Variants in SCAI observed in about 807,000 individuals in gnomAD.
SCAI encodes suppressor of cancer cell invasion.
Under a neutral mutation model 92.2 loss-of-function variants are expected in SCAI, and 24 were observed. That is an observed-to-expected ratio of 0.26 (90% CI 0.19 to 0.37). The LOEUF (loss-of-function observed/expected upper bound fraction) is 0.37, where lower values mean the gene tolerates loss of function less well. Ranked by LOEUF, SCAI falls within the 10% of genes least tolerant of loss-of-function variation. SCAI has a pLI of 1.00. For missense variants in SCAI, 450 were observed against 736.2 expected, an observed-to-expected ratio of 0.61 and a Z score of 4.50; for synonymous variants, 261 against 258.6, an observed-to-expected ratio of 1.01 and a Z score of -0.09.
intron 2 of SCAI, among the ~76,000 whole-genome samples, chr9:125,096,995 G>A (rs1834570614): frequency 6.6e-6 from 1 of 152,010 alleles, no homozygotes; most frequent in Admixed American, 6.6e-5. Flanking sequence ...TTTTTTTTGA[G>A]AAGTAGGGAA....
At chr9:124,960,198 T>C (rs145967072) in intron 17 of SCAI, among the ~76,000 whole-genome samples, 81 of 152,314 alleles carry the variant, frequency 5.3e-4, no homozygotes, top group African/African-American at 1.8e-3. Flanking sequence ...CAAGCCTTTT[T>C]ATAATAAAAA....
chr9:125,077,908 A>G (rs1834126041), intron 2 of SCAI, among the ~76,000 whole-genome samples: 2 of 151,806 alleles, frequency 1.3e-5, no homozygotes, highest in Non-Finnish European at 1.5e-5. Flanking sequence ...TAGTAGAGAC[A>G]GTGTTTCACC....
intron 2 of SCAI, among the ~76,000 whole-genome samples, chr9:125,121,572 T>C (rs903114959): frequency 1.3e-5 from 2 of 152,070 alleles, no homozygotes; most frequent in Non-Finnish European, 2.9e-5. Context: ...AAATCCAGGC[T>C]GGACATGGTG....
chr9:125,081,284 T>C (rs1453351271), intron 2 of SCAI, among the ~76,000 whole-genome samples: 2 of 152,204 alleles, frequency 1.3e-5, no homozygotes, highest in Non-Finnish European at 2.9e-5. Context: ...TGGGAAAGTT[T>C]GGAACTCCAT....
intron 2 of SCAI, among the ~76,000 whole-genome samples, chr9:125,101,530 T>G (rs933913981): frequency 2.0e-5 from 3 of 152,222 alleles, no homozygotes; most frequent in Admixed American, 1.3e-4. Context: ...AGATGAGACC[T>G]CCAGACATGT....
Position 124,947,721 on chromosome 9 carries a change from G to A in SCAI, c.*5086C>T, listed in dbSNP as rs1831169692. The A allele has an allele frequency of 6.6e-6, 1 of 152,080 alleles. No homozygotes were observed. The highest frequency in any genetic ancestry group is 2.1e-4 in the South Asian group (1 of 4,822). 9.4% of individuals were successfully genotyped at this position (152,080 alleles called of 1,614,324 possible). A position where few individuals can be genotyped will look rare whatever the true frequency, so the allele number is the denominator to read the frequency against. ...ACATATGCCATTACAAATAAAATAA[G>A]AATTTCAAATAAATAAGGTCAACAA... On this transcript the variant is annotated 3_prime_UTR_variant, in exon 18 of 18. Coordinates refer to ENST00000336505, the MANE Select transcript of SCAI (RefSeq NM_001144877.3).
intron 14 of SCAI, among the ~76,000 whole-genome samples, chr9:124,979,097 G>A (rs56215112): frequency 6.6e-6 from 1 of 151,934 alleles, no homozygotes; most frequent in Non-Finnish European, 1.5e-5. Context: ...CTGACCTCAA[G>A]TGATCTGCCT....
intron 2 of SCAI, among the ~76,000 whole-genome samples, chr9:125,060,304 T>C (rs941185656): frequency 2.7e-5 from 4 of 149,188 alleles, no homozygotes; most frequent in Non-Finnish European, 5.9e-5. Context: ...GAAAGGAAAC[T>C]GATAAAGACA....
chr9:125,082,240 A>G (rs1026931644), intron 2 of SCAI, among the ~76,000 whole-genome samples: 4 of 152,228 alleles, frequency 2.6e-5, no homozygotes, highest in African/African-American at 7.2e-5. Flanking sequence ...AGAGGGTACA[A>G]GCCCCAAGCC....
chr9:125,131,443 A>G lies in SCAI; in HGVS notation c.98+11190T>C, dbSNP rs545463910. Among the ~76,000 whole-genome samples the G allele has an allele frequency of 6.6e-5, 10 of 151,826 alleles. No homozygotes were observed. In the South Asian group the frequency reaches 8.3e-4, roughly 13 times the overall value. ...AAAAAAGAAAAATAAACATATATAC[A>G]TATATAAAATATAGGAGTAGCGCCT... On this transcript the variant is annotated intron_variant, in intron 2 of 17. Transcript: ENST00000336505.
chr9:125,046,361 A>C (rs1833444382), intron 3 of SCAI, among the ~76,000 whole-genome samples: 1 of 123,112 alleles, frequency 8.1e-6, no homozygotes, highest in African/African-American at 3.1e-5. Flanking sequence ...GTGTATATAT[A>C]TATGAGATAG....
At chr9:124,961,562 A>G (rs908784931) in intron 17 of SCAI, among the ~76,000 whole-genome samples, 13 of 150,514 alleles carry the variant, frequency 8.6e-5, no homozygotes, top group Non-Finnish European at 1.9e-4. Context: ...AGGCAGGAGA[A>G]TTGCTTGAAC....
chr9:125,127,405 A>AT (rs11399082), intron 2 of SCAI, among the ~76,000 whole-genome samples: 49,589 of 140,678 alleles, frequency 0.35, 9,260 homozygotes, highest in Non-Finnish European at 0.44. Context: ...CCAGGGCAGA[A>AT]TTTTTTTTTT....
At chr9:125,063,754 CTTT>C (rs367915695) in intron 2 of SCAI, among the ~76,000 whole-genome samples, 3 of 139,706 alleles carry the variant, frequency 2.1e-5, no homozygotes, top group Non-Finnish European at 4.7e-5. Context: ...TCCCTTTTAT[CTTT>C]TTTTTTTTTT....
chr9:125,065,733 G>A (rs1355807102), intron 2 of SCAI, among the ~76,000 whole-genome samples: 2 of 152,118 alleles, frequency 1.3e-5, no homozygotes, highest in African/African-American at 4.8e-5. Context: ...AAAAGGACAT[G>A]ACAAAATTGG....
At chr9:125,026,567 T>A (rs1832969418) in intron 6 of SCAI, among the ~76,000 whole-genome samples, 1 of 152,116 alleles carries the variant, frequency 6.6e-6, no homozygotes, top group African/African-American at 2.4e-5. Context: ...GTGAAGCCAA[T>A]CTCTTGTAAA....
intron 14 of SCAI, among the ~76,000 whole-genome samples, chr9:124,989,130 A>T (rs1832059973): frequency 6.6e-6 from 1 of 152,056 alleles, no homozygotes; most frequent in African/African-American, 2.4e-5. Context: ...CAAGAGTGAA[A>T]CTCCATCTTA....
intron 3 of SCAI, among the ~76,000 whole-genome samples, chr9:125,055,056 G>T (rs1564395203): frequency 1.3e-5 from 2 of 152,062 alleles, no homozygotes; most frequent in Non-Finnish European, 2.9e-5. Flanking sequence ...AAATTATCTG[G>T]TTTAAAAATA....
chr9:125,111,965 G>A (rs921692202), intron 2 of SCAI, among the ~76,000 whole-genome samples: 3 of 152,230 alleles, frequency 2.0e-5, no homozygotes, highest in South Asian at 2.1e-4. Flanking sequence ...CAAGTATTCC[G>A]CCAAGTACTG....
Sources: gnomAD v4.1 joint callset for allele counts (sites outside exome capture counted in the v4.1 genomes callset) on GRCh38, gnomAD v4.1.1 for gene constraint, MANE v1.5 for transcripts, NCBI Gene and HGNC (gene_info 2026-07-23, HGNC 2026-07-21) for gene names.